NOC3L: variants seen among roughly 807,000 people sequenced by gnomAD.
NOC3L encodes the protein nucleolar complex protein 3 homolog.
A neutral mutation model predicts 102.5 loss-of-function variants in NOC3L; 85 were observed. The ratio of observed to expected loss-of-function variants is 0.83; its 90% CI spans 0.70 to 0.99. The LOEUF is 0.99. Among genes scored for constraint, NOC3L ranks in the 50% least tolerant of loss-of-function variants. NOC3L has a pLI of 0.00. For synonymous variants in NOC3L, 303 were observed against 309.4 expected (o/e 0.98, Z 0.22); for missense variants, 878 against 914.9 (o/e 0.96, Z 0.52).
intron 19 of NOC3L, among the ~76,000 whole-genome samples, chr10:94,337,473 G>A (rs1188801907): frequency 6.6e-6 from 1 of 152,116 alleles, no homozygotes; most frequent in Non-Finnish European, 1.5e-5. Flanking sequence ...TTGAACCTGA[G>A]TGATGGGGGG....
In NOC3L at chr10:94,337,830, G is replaced by A. The variant is rs375452911; in HGVS notation, c.2136C>T (p.Ile712=). The change falls in exon 19 of 21, where the codon ATC becomes ATT. Residue 712 remains isoleucine, a synonymous_variant. Transcript: ENST00000371361. ...CAGAGCCTTCAGAAGGTGCTCCAGC[G>A]ATCAGGTGGGCTGCAAATCTCTGCA... is the stretch of plus-strand genomic sequence containing the variant. ...PIVQRFAAHL[I]AGAPSEGSGA... 1.1e-5 allele frequency: 18 copies of A among 1,613,998 alleles called. No individual in the cohort carries two copies. The highest frequency in any genetic ancestry group is 4.0e-5 in the African/African-American group (3 of 75,044).
Position 94,361,647 on chromosome 10 carries a change from T to C in NOC3L, c.217+18A>G. 1 of 1,605,522 alleles carries C rather than the reference T, an allele frequency of 6.2e-7. No individual in the cohort carries two copies. The highest frequency in any genetic ancestry group is 8.5e-7 in the Non-Finnish European group (1 of 1,173,346). On this transcript the variant is annotated intron_variant, in intron 2 of 20. Transcript: ENST00000371361. ...ATAAATCAATGGAAACCAGAGCACA[T>C]GATGTTTTCACAATTACCTGGTCGC...
intron 8 of NOC3L, among the ~76,000 whole-genome samples, chr10:94,351,761 C>T (rs1041104411): frequency 6.6e-6 from 1 of 151,170 alleles, no homozygotes; most frequent in East Asian, 2.0e-4. Context: ...CTCCTAGCTT[C>T]GAGCAATCCT....
the NOC3L span, among the ~76,000 whole-genome samples, chr10:94,327,087 G>A: frequency 1.4e-4 from 21 of 150,754 alleles, no homozygotes; most frequent in Non-Finnish European, 1.3e-4. Context: ...GCTTGAACCC[G>A]GGAGACGGAG....
Position 94,356,572 on chromosome 10 carries a change from A to C in NOC3L, c.528T>G (p.Asp176Glu). 1 of 1,574,456 alleles carries C rather than the reference A, an allele frequency of 6.4e-7. No homozygotes were observed. Among genetic ancestry groups the C allele is most frequent in the African/African-American group, 1.3e-5 (1 of 74,284 alleles). ...CCCTCTCTTCTTCTTGATCCTCTTC[A>C]TCTTTGTTACTATCAGTAACTATAT... ...REKPVTDSNK[D>E]EEDQEEEREL... is the part of the protein sequence containing the mutation. The change falls in exon 5 of 21, where the codon GAT becomes GAG. Residue 176 changes from aspartate to glutamate, a missense_variant. By Grantham distance (45) the Asp-to-Glu change is conservative. Transcript: ENST00000371361.
the NOC3L span, among the ~76,000 whole-genome samples, chr10:94,318,738 G>C: frequency 6.6e-6 from 1 of 152,166 alleles, no homozygotes; most frequent in Non-Finnish European, 1.5e-5. Flanking sequence ...AGCTGGGGAG[G>C]TGAGGGACAC....
intron 4 of NOC3L, 28 bp from the exon 5 acceptor site, chr10:94,356,619 T>A (rs1209103737): frequency 7.7e-7 from 1 of 1,297,326 alleles, no homozygotes; most frequent in South Asian, 1.2e-5. Flanking sequence ...GTATTAAAAC[T>A]GTGATATATA....
chr10:94,346,060 CAAAG>C (rs2054339458), intron 11 of NOC3L, among the ~76,000 whole-genome samples: 1 of 152,238 alleles, frequency 6.6e-6, no homozygotes, highest in Admixed American at 6.5e-5. Context: ...TACAAACCAA[CAAAG>C]AAACAAGATT....
At chr10:94,323,843 T>C in the NOC3L span, among the ~76,000 whole-genome samples, 1 of 152,204 alleles carries the variant, frequency 6.6e-6, no homozygotes, top group Non-Finnish European at 1.5e-5. Flanking sequence ...AATTAACAAA[T>C]GCATCAATGA....
chr10:94,339,090 C>T (rs754976322), intron 17 of NOC3L, among the ~76,000 whole-genome samples: 3 of 152,018 alleles, frequency 2.0e-5, no homozygotes, highest in Non-Finnish European at 4.4e-5. Context: ...AAAGAAATAA[C>T]CTATATCAAG....
the NOC3L span, chr10:94,325,129 T>G: frequency 6.7e-7 from 1 of 1,499,876 alleles, no homozygotes; most frequent in Non-Finnish European, 9.3e-7. Context: ...TGCACCATCC[T>G]GGAACAGGGC....
At chr10:94,331,801 T>C (rs2054160069), downstream of NOC3L, 1 of 152,036 alleles carries the variant, frequency 6.6e-6, no homozygotes, top group Non-Finnish European at 1.5e-5. Flanking sequence ...CTATGGATTC[T>C]GACATAGGAA....
At chr10:94,326,348 A>T in the NOC3L span, among the ~76,000 whole-genome samples, 1 of 152,238 alleles carries the variant, frequency 6.6e-6, no homozygotes, top group Non-Finnish European at 1.5e-5. Context: ...AAGAAGGCCC[A>T]ATACATTGAG....
chr10:94,351,354 A>G (rs1176207916), intron 8 of NOC3L, among the ~76,000 whole-genome samples: 1 of 152,144 alleles, frequency 6.6e-6, no homozygotes, highest in Non-Finnish European at 1.5e-5. Flanking sequence ...AAATGAGCCA[A>G]TTAGGCCAAA....
At chr10:94,322,688 G>A in the NOC3L span, among the ~76,000 whole-genome samples, 1 of 152,090 alleles carries the variant, frequency 6.6e-6, no homozygotes, top group Non-Finnish European at 1.5e-5. Flanking sequence ...GGGAGGCTGA[G>A]GCAGGAGAAT....
intron 20 of NOC3L, 136 bp downstream of exon 20, chr10:94,334,498 G>T: frequency 1.4e-6 from 1 of 696,722 alleles, no homozygotes; most frequent in Non-Finnish European, 2.4e-6. Flanking sequence ...TTCAACCTCA[G>T]AAATCCATCC....
chr10:94,356,656 T>G, intron 4 of NOC3L, 65 bp from the exon 5 acceptor site: 1 of 956,492 alleles, frequency 1.0e-6, no homozygotes, highest in Non-Finnish European at 1.7e-6. Flanking sequence ...TGTAAAGAAA[T>G]GCTAGGAGGT....
At chr10:94,318,377 A>C in the NOC3L span, among the ~76,000 whole-genome samples, 1 of 152,230 alleles carries the variant, frequency 6.6e-6, no homozygotes, top group African/African-American at 2.4e-5. Flanking sequence ...GTATCCTCTA[A>C]GCGATGTCAG....
chr10:94,319,465 G>T, the NOC3L span, among the ~76,000 whole-genome samples: 2 of 152,232 alleles, frequency 1.3e-5, no homozygotes, highest in Admixed American at 6.5e-5. Context: ...AAATTCTTCA[G>T]TTGCTCTCTG....
Sources: allele counts gnomAD v4.1 joint callset (sites outside exome capture counted in the v4.1 genomes callset), GRCh38; gene constraint gnomAD v4.1.1; transcripts MANE v1.5; gene names NCBI Gene and HGNC (gene_info 2026-07-23, HGNC 2026-07-21).